The following RGS7 variants were observed in gnomAD, a reference collection of about 807,000 sequenced individuals.
The protein encoded by RGS7 is regulator of G protein signaling 7.
In RGS7, 27 loss-of-function variants were observed where a neutral mutation model predicts 81.1. The observed-to-expected ratio is 0.33, with a 90% CI of 0.25 to 0.46. The LOEUF (loss-of-function observed/expected upper bound fraction) is 0.46. Among genes scored for constraint, RGS7 ranks in the 20% least tolerant of loss-of-function variants. RGS7 has a pLI of 1.00. For synonymous variants in RGS7, 208 were observed against 207.7 expected (o/e 1.00, Z -0.01); for missense variants, 396 against 607.4 (o/e 0.65, Z 3.66).
At chr1:241,094,987 A>G (rs924742615) in intron 3 of RGS7, among the ~76,000 whole-genome samples, 1 of 152,228 alleles carries the variant, frequency 6.6e-6, no homozygotes, top group African/African-American at 2.4e-5. Flanking sequence ...GGAAGGAGAA[A>G]GAACTAGATT....
intron 3 of RGS7, among the ~76,000 whole-genome samples, chr1:241,081,801 C>A (rs1473445566): frequency 6.6e-6 from 1 of 152,196 alleles, no homozygotes; most frequent in African/African-American, 2.4e-5. Flanking sequence ...TAATGATTTA[C>A]TGTTGAGTAC....
At chr1:241,349,090 GC>G (rs1172659502) in intron 2 of RGS7, among the ~76,000 whole-genome samples, 2 of 152,060 alleles carry the variant, frequency 1.3e-5, no homozygotes, top group Admixed American at 6.6e-5. Context: ...TTTTCCCCAG[GC>G]TATCCCATTC....
chr1:240,823,423 A>ACGG, intron 10 of RGS7: 1 of 384,312 alleles, frequency 2.6e-6, no homozygotes, highest in East Asian at 6.6e-5. Context: ...GAGGCAGGGC[A>ACGG]GATGCCTCAC....
chr1:240,823,267 C>G (rs1692138661), intron 10 of RGS7: 4 of 646,880 alleles, frequency 6.2e-6, no homozygotes, highest in Non-Finnish European at 1.2e-5. Context: ...AAGGCCATCT[C>G]CACTTCCGAC....
chr1:240,876,251 G>GC (rs1452279059), intron 6 of RGS7, among the ~76,000 whole-genome samples: 1 of 152,148 alleles, frequency 6.6e-6, no homozygotes, highest in East Asian at 1.9e-4. Context: ...ACTCTCAGCA[G>GC]CCCCTTGAAG....
intron 9 of RGS7, among the ~76,000 whole-genome samples, chr1:240,834,729 T>G (rs1694413093): frequency 6.6e-6 from 1 of 152,056 alleles, no homozygotes. Context: ...GCCAGGATGG[T>G]CTCCATCTCC....
intron 2 of RGS7, among the ~76,000 whole-genome samples, chr1:241,221,004 AGAAAGGAAGG>A (rs1558203477): frequency 9.3e-4 from 73 of 78,694 alleles, no homozygotes; most frequent in Admixed American, 1.8e-3. Flanking sequence ...GAAGAGAGAG[AGAAAGGAAGG>A]AAGGAAGGAA....
At chr1:241,296,068 T>C (rs1471921741) in intron 2 of RGS7, among the ~76,000 whole-genome samples, 1 of 152,118 alleles carries the variant, frequency 6.6e-6, no homozygotes, top group African/African-American at 2.4e-5. Flanking sequence ...AAGTTGCAAC[T>C]TAAGAGAGAA....
intron 18 of RGS7, among the ~76,000 whole-genome samples, chr1:240,779,782 C>G (rs2102957530): frequency 6.6e-6 from 1 of 152,196 alleles, no homozygotes; most frequent in East Asian, 1.9e-4. Context: ...AAGAATGATA[C>G]AAGTAAATTG....
At chr1:241,135,165 G>A (rs1292665510) in intron 2 of RGS7, among the ~76,000 whole-genome samples, 2 of 152,202 alleles carry the variant, frequency 1.3e-5, no homozygotes, top group Non-Finnish European at 2.9e-5. Flanking sequence ...GGTGGCTCAT[G>A]CCTGTAATCC....
chr1:241,160,999 T>G (rs1425439859), intron 2 of RGS7, among the ~76,000 whole-genome samples: 2 of 151,604 alleles, frequency 1.3e-5, no homozygotes, highest in Admixed American at 6.6e-5. Flanking sequence ...AAAGTGATAG[T>G]TTTTTTTGCC....
At position 241,174,186 on chromosome 1, in the gene RGS7, T is replaced by C. The variant is rs142155915; in HGVS notation, c.79-75424A>G. On this transcript the variant is annotated intron_variant, in intron 2 of 18. Coordinates refer to ENST00000440928, the MANE Select transcript of RGS7 (RefSeq NM_001364886.1). ...AATAGGTTGAAAACTTGCCCAATAATTCTTAGCAGTTCTAGGACAAGACCC... is the reference window on the plus strand; with the variant it reads ...AATAGGTTGAAAACTTGCCCAATAACTCTTAGCAGTTCTAGGACAAGACCC... Among the ~76,000 whole-genome samples, 531 of 152,330 alleles carry C rather than the reference T, an allele frequency of 3.5e-3. 1 individual carries two copies. The highest frequency in any genetic ancestry group is 0.012 in the African/African-American group (514 of 41,570).
At chr1:241,056,354 CCT>C (rs1302338597) in intron 3 of RGS7, among the ~76,000 whole-genome samples, 1 of 152,168 alleles carries the variant, frequency 6.6e-6, no homozygotes, top group East Asian at 1.9e-4. Flanking sequence ...ATCTTATCAC[CCT>C]GTTTCAGCTT....
chr1:241,158,948 T>C (rs2069402592), intron 2 of RGS7, among the ~76,000 whole-genome samples: 1 of 122,562 alleles, frequency 8.2e-6, no homozygotes, highest in African/African-American at 2.6e-5. Context: ...AAACCGTCTA[T>C]CTGTCTCTCC....
chr1:241,335,984 A>T (rs970837407), intron 2 of RGS7, among the ~76,000 whole-genome samples: 40 of 152,166 alleles, frequency 2.6e-4, no homozygotes, highest in African/African-American at 8.2e-4. Context: ...GTTATGTTAG[A>T]GTAGTGTGAT....
At chr1:241,223,009 G>A (rs1206196117) in intron 2 of RGS7, among the ~76,000 whole-genome samples, 1 of 152,064 alleles carries the variant, frequency 6.6e-6, no homozygotes, top group African/African-American at 2.4e-5. Flanking sequence ...CTTTTTGATG[G>A]CTGCATAGTA....
At position 240,778,331 on chromosome 1, in the gene RGS7, CAA is replaced by C. The variant is rs1204733773; in HGVS notation, c.*7-2120_*7-2119del. Among the ~76,000 whole-genome samples the C allele has an allele frequency of 2.6e-4, 40 of 152,308 alleles. No homozygotes were observed. The Middle Eastern group carries it at 0.014, about 52-fold the overall frequency. On this transcript the variant is annotated intron_variant, in intron 18 of 18. Transcript: ENST00000440928. Reference sequence around the variant, plus strand: ...TAGCAGCCACATTTTTGGAAAAAGACAATATGTTTAAGAAAAGATTAATAATT... The same window carrying C: ...TAGCAGCCACATTTTTGGAAAAAGACTATGTTTAAGAAAAGATTAATAATT...
chr1:240,824,171 G>C (rs1692351055), intron 10 of RGS7, among the ~76,000 whole-genome samples: 1 of 152,174 alleles, frequency 6.6e-6, no homozygotes, highest in Non-Finnish European at 1.5e-5. Flanking sequence ...TCAACAATTA[G>C]ATACAACATT....
chr1:241,115,865 G>A (rs368273623), intron 2 of RGS7, among the ~76,000 whole-genome samples: 145 of 152,188 alleles, frequency 9.5e-4, no homozygotes, highest in African/African-American at 3.2e-3. Context: ...ATCTCATGTC[G>A]AACTGGAGGA....
Sources: gnomAD v4.1 joint callset for allele counts (sites outside exome capture counted in the v4.1 genomes callset) on GRCh38, gnomAD v4.1.1 for gene constraint, MANE v1.5 for transcripts, NCBI Gene and HGNC (gene_info 2026-07-23, HGNC 2026-07-21) for gene names.